Variants in CMSS1 observed in about 807,000 individuals in gnomAD.
The protein encoded by CMSS1 is cms1 ribosomal small subunit homolog.
Under a neutral mutation model 43.5 loss-of-function variants are expected in CMSS1, and 33 were observed. That is an observed-to-expected ratio of 0.76 (90% CI 0.57 to 1.01). The LOEUF is 1.01. Ranked by LOEUF, CMSS1 falls within the 50% of genes least tolerant of loss-of-function variation. CMSS1 has a pLI of 0.00. For missense variants in CMSS1, 313 were observed against 326.4 expected, an observed-to-expected ratio of 0.96 and a Z score of 0.32; for synonymous variants, 115 against 117.2, an observed-to-expected ratio of 0.98 and a Z score of 0.12.
intron 2 of CMSS1, among the ~76,000 whole-genome samples, chr3:100,157,516 GA>G (rs2066986136): frequency 6.6e-6 from 1 of 152,222 alleles, no homozygotes; most frequent in South Asian, 2.1e-4. Flanking sequence ...ATGGTAGGGT[GA>G]TAGGATAACA....
Position 100,180,596 on chromosome 3 carries a change from T to A in CMSS1, c.*2208T>A, listed in dbSNP as rs978282022. On this transcript the variant is annotated 3_prime_UTR_variant, in exon 10 of 10. Coordinates refer to ENST00000421999, the MANE Select transcript of CMSS1 (RefSeq NM_032359.4). ...TTTGCTCCAGTTCCTGATAAGTTCC[T>A]CATCTCCATTTGAGACCACCTCAGC... 6.6e-6 allele frequency: 1 copy of A among 152,430 alleles called. No homozygotes were observed. The highest frequency in any genetic ancestry group is 6.5e-5 in the Admixed American group (1 of 15,296). 9.4% of individuals were successfully genotyped at this position (152,430 alleles called of 1,614,324 possible). A position where few individuals can be genotyped will look rare whatever the true frequency, so the allele number is the denominator to read the frequency against.
At chr3:99,887,020 C>G (rs1705923542) in intron 1 of CMSS1, among the ~76,000 whole-genome samples, 1 of 151,064 alleles carries the variant, frequency 6.6e-6, no homozygotes, top group African/African-American at 2.4e-5. Flanking sequence ...GCCTGTAATC[C>G]CAGCACTTTG....
intron 1 of CMSS1, among the ~76,000 whole-genome samples, chr3:100,078,997 C>A (rs1285853106): frequency 6.6e-6 from 1 of 152,168 alleles, no homozygotes; most frequent in Non-Finnish European, 1.5e-5. Flanking sequence ...ATGTGGCCCA[C>A]GTTGGACAAG....
intron 1 of CMSS1, among the ~76,000 whole-genome samples, chr3:99,863,991 A>G (rs1944386085): frequency 6.6e-6 from 1 of 152,262 alleles, no homozygotes; most frequent in Admixed American, 6.5e-5. Context: ...GGGAATAAAA[A>G]TAAACATGGT....
chr3:100,013,018 C>T (rs1710206344), intron 1 of CMSS1, among the ~76,000 whole-genome samples: 1 of 151,602 alleles, frequency 6.6e-6, no homozygotes, highest in South Asian at 2.1e-4. Flanking sequence ...GGCTGATCTT[C>T]ACCACACCCA....
At chr3:99,937,953 A>G (rs1387016982) in intron 1 of CMSS1, among the ~76,000 whole-genome samples, 1 of 152,222 alleles carries the variant, frequency 6.6e-6, no homozygotes, top group East Asian at 1.9e-4. Flanking sequence ...GGAGTTGGTA[A>G]AGGTGAATTA....
At chr3:99,998,121 T>TACTA (rs1392225865) in intron 1 of CMSS1, among the ~76,000 whole-genome samples, 4 of 152,238 alleles carry the variant, frequency 2.6e-5, no homozygotes, top group African/African-American at 9.6e-5. Flanking sequence ...AATCATAGTG[T>TACTA]ACTACTGAAA....
chr3:100,142,390 T>C (rs2066812630), intron 1 of CMSS1, among the ~76,000 whole-genome samples: 1 of 152,218 alleles, frequency 6.6e-6, no homozygotes, highest in Non-Finnish European at 1.5e-5. Flanking sequence ...CTATACATAG[T>C]ATTTATATTG....
intron 1 of CMSS1, among the ~76,000 whole-genome samples, chr3:99,907,546 G>A (rs530868440): frequency 5.0e-4 from 76 of 152,054 alleles, no homozygotes; most frequent in Non-Finnish European, 7.7e-4. Context: ...CGCACCTGGC[G>A]TACCCCTTTA....
intron 1 of CMSS1, among the ~76,000 whole-genome samples, chr3:99,915,323 A>G (rs139207728): frequency 9.3e-4 from 141 of 152,192 alleles, no homozygotes; most frequent in African/African-American, 3.1e-3. Context: ...CCTCTCCCAT[A>G]CTCTTGGTCC....
intron 1 of CMSS1, among the ~76,000 whole-genome samples, chr3:99,841,274 CTTTG>C (rs141264861): frequency 1.8e-4 from 28 of 152,246 alleles, no homozygotes; most frequent in African/African-American, 6.5e-4. Context: ...TACATTGTAC[CTTTG>C]TTTCTTTCAA....
chr3:100,115,979 G>A lies in CMSS1; in HGVS notation c.65-30994G>A, dbSNP rs188174230. 8.5e-4 allele frequency among the ~76,000 whole-genome samples: 129 copies of A among 152,212 alleles called. 1 individual carries two copies. The highest frequency in any genetic ancestry group is 2.0e-3 in the African/African-American group (85 of 41,536). ...TGACCTTCACATTTTTGAAGAGTAC[G>A]TTTTGTAGAATGTTCCTTAGTTTAG... On this transcript the variant is annotated intron_variant, in intron 1 of 9. Transcript: ENST00000421999.
intron 2 of CMSS1, among the ~76,000 whole-genome samples, chr3:100,150,327 A>G (rs959349999): frequency 2.2e-4 from 33 of 152,096 alleles, no homozygotes; most frequent in African/African-American, 7.7e-4. Context: ...ATATAACTGC[A>G]TTTTTTCTGG....
At chr3:99,904,319 G>C (rs1157924221) in intron 1 of CMSS1, among the ~76,000 whole-genome samples, 5 of 152,158 alleles carry the variant, frequency 3.3e-5, no homozygotes, top group African/African-American at 1.2e-4. Context: ...TTTCAGTAGG[G>C]AGAGAAAACA....
chr3:100,091,467 G>A (rs1198761326), intron 1 of CMSS1, among the ~76,000 whole-genome samples: 1 of 152,184 alleles, frequency 6.6e-6, no homozygotes, highest in Non-Finnish European at 1.5e-5. Flanking sequence ...TAGGTAACAA[G>A]AGCAGCCAGT....
At chr3:99,850,051 T>C (rs1943592178) in intron 1 of CMSS1, 1 of 1,611,414 alleles carries the variant, frequency 6.2e-7, no homozygotes, top group South Asian at 1.1e-5. Context: ...CCTTTTAGTT[T>C]CCTCAATTAA....
intron 1 of CMSS1, among the ~76,000 whole-genome samples, chr3:100,084,977 T>TGA (rs2065984955): frequency 1.3e-5 from 2 of 152,250 alleles, no homozygotes; most frequent in South Asian, 4.1e-4. Context: ...TCTCTGTCCA[T>TGA]GTCTTTAGCT....
In CMSS1 at chr3:100,002,079, C is replaced by T. The variant is rs999679294; in HGVS notation, c.65-144894C>T. 3.9e-5 allele frequency among the ~76,000 whole-genome samples: 6 copies of T among 152,148 alleles called. No homozygotes were observed. In the East Asian group the frequency reaches 7.7e-4, roughly 20 times the overall value. On this transcript the variant is annotated intron_variant, in intron 1 of 9. Transcript: ENST00000421999. ...GACTGTTTGCAGCTCTGGAAAAGCGCGGTGCCACTGCAAGTGGAAAACATG... is the reference window on the plus strand; with the variant it reads ...GACTGTTTGCAGCTCTGGAAAAGCGTGGTGCCACTGCAAGTGGAAAACATG...
At chr3:100,056,094 A>G (rs1194759293) in intron 1 of CMSS1, among the ~76,000 whole-genome samples, 1 of 152,194 alleles carries the variant, frequency 6.6e-6, no homozygotes, top group Non-Finnish European at 1.5e-5. Context: ...ATGGTATACC[A>G]AGGTCTTAAG....
Sources: gnomAD v4.1 joint callset for allele counts (sites outside exome capture counted in the v4.1 genomes callset) on GRCh38, gnomAD v4.1.1 for gene constraint, MANE v1.5 for transcripts, NCBI Gene and HGNC (gene_info 2026-07-23, HGNC 2026-07-21) for gene names.